SLC16A10: variants seen among roughly 807,000 people sequenced by gnomAD.
SLC16A10 encodes the protein monocarboxylate transporter 10.
A neutral mutation model predicts 40.0 loss-of-function variants in SLC16A10; 27 were observed. The ratio of observed to expected loss-of-function variants is 0.67; its 90% confidence interval spans 0.50 to 0.93. The LOEUF (loss-of-function observed/expected upper bound fraction) is 0.93. Among genes scored for constraint, SLC16A10 ranks in the 40% least tolerant of loss-of-function variants. The pLI, the probability that SLC16A10 is intolerant of heterozygous loss-of-function variation, is 0.00. For synonymous variants in SLC16A10, 213 were observed against 249.8 expected (o/e 0.85, Z 1.39); for missense variants, 529 against 658.2 (o/e 0.80, Z 2.15).
At chr6:111,176,208 T>C (rs1303288298) in intron 2 of SLC16A10, among the ~76,000 whole-genome samples, 1 of 152,182 alleles carries the variant, frequency 6.6e-6, no homozygotes, top group African/African-American at 2.4e-5. Flanking sequence ...GAGAGAGGAT[T>C]GCCAACATGC....
intron 4 of SLC16A10, among the ~76,000 whole-genome samples, chr6:111,210,569 A>G (rs1562434576): frequency 6.6e-6 from 1 of 152,148 alleles, no homozygotes; most frequent in South Asian, 2.1e-4. Context: ...GGGTGATGCA[A>G]ACAAGACAGA....
At chr6:111,123,904 C>T (rs998833537) in intron 1 of SLC16A10, among the ~76,000 whole-genome samples, 1 of 152,244 alleles carries the variant, frequency 6.6e-6, no homozygotes, top group African/African-American at 2.4e-5. Flanking sequence ...CCTCTCCCCT[C>T]TTCTTTTCCT....
At chr6:111,118,472 G>C (rs1199822819) in intron 1 of SLC16A10, among the ~76,000 whole-genome samples, 1 of 152,186 alleles carries the variant, frequency 6.6e-6, no homozygotes, top group East Asian at 1.9e-4. Flanking sequence ...ACGAGGTGAA[G>C]AGATCAAGAC....
intron 4 of SLC16A10, among the ~76,000 whole-genome samples, chr6:111,209,849 G>A (rs1773318234): frequency 6.6e-6 from 1 of 152,128 alleles, no homozygotes; most frequent in Non-Finnish European, 1.5e-5. Context: ...GGTTTCTACA[G>A]GTGCAGAAAA....
At chr6:111,207,785 G>A (rs76578404) in intron 4 of SLC16A10, among the ~76,000 whole-genome samples, 2,130 of 152,214 alleles carry the variant, frequency 0.014, 46 homozygotes, top group African/African-American at 0.048. Context: ...GACATGGGAT[G>A]TTATATCTGG....
intron 1 of SLC16A10, among the ~76,000 whole-genome samples, chr6:111,154,753 G>A (rs1182418196): frequency 6.6e-6 from 1 of 152,118 alleles, no homozygotes; most frequent in East Asian, 1.9e-4. Flanking sequence ...AGCACTTTGG[G>A]AAGCTGAGGC....
chr6:111,093,858 G>A (rs1771026788), intron 1 of SLC16A10, among the ~76,000 whole-genome samples: 1 of 152,134 alleles, frequency 6.6e-6, no homozygotes, highest in Non-Finnish European at 1.5e-5. Context: ...GCTAAAATAA[G>A]TGAGAAGATT....
intron 1 of SLC16A10, among the ~76,000 whole-genome samples, chr6:111,163,577 T>C (rs924308830): frequency 6.6e-6 from 1 of 152,248 alleles, no homozygotes; most frequent in African/African-American, 2.4e-5. Flanking sequence ...AACATTATTT[T>C]TATTTTGGCA....
intron 1 of SLC16A10, among the ~76,000 whole-genome samples, chr6:111,128,400 G>C (rs1177106707): frequency 1.3e-5 from 2 of 152,090 alleles, no homozygotes; most frequent in African/African-American, 2.4e-5. Context: ...ACTAGAGACT[G>C]TTTTCTTAAT....
At chr6:111,212,002 T>G (rs560336912) in intron 4 of SLC16A10, among the ~76,000 whole-genome samples, 1 of 152,226 alleles carries the variant, frequency 6.6e-6, no homozygotes, top group African/African-American at 2.4e-5. Context: ...CTGTGACAAC[T>G]CTTCCCTCTT....
In SLC16A10 at chr6:111,177,521, C is replaced by T. The variant is rs77208843; in HGVS notation, c.798C>T (p.Ser266=). The part of the protein sequence containing the change: ...TSTKDKESGG[S]GSSLFSRKKF... ...CCAAAGATAAAGAGAGTGGAGGTAG[C>T]GGATCCTCCCTCTTTTCCAGGAAAA... The change falls in exon 3 of 6, where the codon AGC becomes AGT. Residue 266 remains serine, a synonymous_variant. Transcript: ENST00000368851. The T allele has an allele frequency of 5.9e-4, 953 of 1,613,460 alleles. 11 individuals carry two copies. The African/African-American group carries it at 0.011, about 18-fold the overall frequency.
chr6:111,104,915 A>G (rs62421923), intron 1 of SLC16A10, among the ~76,000 whole-genome samples: 17,242 of 151,990 alleles, frequency 0.11, 1,045 homozygotes, highest in Non-Finnish European at 0.14. Flanking sequence ...AAAAAAAGTA[A>G]TAGAACTTCC....
chr6:111,104,378 A>G (rs1272511213), intron 1 of SLC16A10, among the ~76,000 whole-genome samples: 1 of 152,244 alleles, frequency 6.6e-6, no homozygotes, highest in Non-Finnish European at 1.5e-5. Flanking sequence ...TTCAAAGGAT[A>G]GACTGCAGGA....
intron 3 of SLC16A10, among the ~76,000 whole-genome samples, chr6:111,195,649 C>A (rs1022994678): frequency 2.0e-5 from 3 of 152,236 alleles, no homozygotes; most frequent in Admixed American, 2.0e-4. Flanking sequence ...AAATTGTGAA[C>A]CAATGTGTAG....
chr6:111,174,668 A>AGATAGCTTCTTTGATCT (rs1374970262), intron 2 of SLC16A10, among the ~76,000 whole-genome samples: 14 of 152,180 alleles, frequency 9.2e-5, no homozygotes, highest in Admixed American at 9.2e-4. Flanking sequence ...ATACCTCATC[A>AGATAGCTTCTTTGATCT]GATAGCTTCT....
intron 1 of SLC16A10, among the ~76,000 whole-genome samples, chr6:111,140,653 TATTAA>T (rs1354102194): frequency 6.6e-6 from 1 of 152,158 alleles, no homozygotes; most frequent in African/African-American, 2.4e-5. Flanking sequence ...TATTTAAAGT[TATTAA>T]ATTAAAAAAC....
chr6:111,134,863 A>G (rs1286253593), intron 1 of SLC16A10, among the ~76,000 whole-genome samples: 1 of 152,126 alleles, frequency 6.6e-6, no homozygotes, highest in Non-Finnish European at 1.5e-5. Flanking sequence ...AGCCCATGCC[A>G]TCACCCTCAC....
chr6:111,145,818 C>T (rs1448341101), intron 1 of SLC16A10, among the ~76,000 whole-genome samples: 1 of 152,210 alleles, frequency 6.6e-6, no homozygotes, highest in East Asian at 1.9e-4. Flanking sequence ...CACTGTACTC[C>T]AGCCTGGGTG....
chr6:111,149,693 A>G (rs543549447), intron 1 of SLC16A10, among the ~76,000 whole-genome samples: 36 of 152,244 alleles, frequency 2.4e-4, no homozygotes, highest in African/African-American at 8.4e-4. Context: ...GCCATTTCTT[A>G]TGGTTATCTT....
Sources: gnomAD v4.1 joint callset for allele counts (sites outside exome capture counted in the v4.1 genomes callset) on GRCh38, gnomAD v4.1.1 for gene constraint, MANE v1.5 for transcripts, NCBI Gene and HGNC (gene_info 2026-07-23, HGNC 2026-07-21) for gene names.